LRRIQ1: variants seen among roughly 807,000 people sequenced by gnomAD.
LRRIQ1 encodes the protein leucine rich repeats and IQ motif containing 1.
A neutral mutation model predicts 211.9 loss-of-function variants in LRRIQ1; 210 were observed. The ratio of observed to expected loss-of-function variants is 0.99; its 90% CI spans 0.89 to 1.11. LRRIQ1 has a LOEUF of 1.11. LRRIQ1 is among the 50% of genes most tolerant of loss of function. LRRIQ1 has a pLI of 0.00. For synonymous variants in LRRIQ1, 699 were observed against 650.1 expected, an observed-to-expected ratio of 1.08 and a Z score of -1.14; for missense variants, 2,136 against 1,939.5, an observed-to-expected ratio of 1.10 and a Z score of -1.90.
chr12:85,194,409 C>A (rs1892774652), intron 24 of LRRIQ1, among the ~76,000 whole-genome samples: 1 of 144,814 alleles, frequency 6.9e-6, no homozygotes, highest in Non-Finnish European at 1.5e-5. Context: ...CCAAAATTGA[C>A]CACATACTTG....
intron 1 of LRRIQ1, among the ~76,000 whole-genome samples, chr12:85,257,169 A>ATATGTAT (rs1896137816): frequency 2.7e-3 from 1 of 376 alleles, no homozygotes; most frequent in Non-Finnish European, 8.9e-3. Flanking sequence ...TAATTATATA[A>ATATGTAT]TAATTATGTA....
chr12:85,176,474 C>T (rs1891705636), intron 24 of LRRIQ1, among the ~76,000 whole-genome samples: 2 of 150,898 alleles, frequency 1.3e-5, no homozygotes, highest in Admixed American at 1.3e-4. Flanking sequence ...TCATCATTCT[C>T]AGTAAACTAT....
At chr12:85,234,056 C>T (rs1895069698) in intron 26 of LRRIQ1, among the ~76,000 whole-genome samples, 2 of 150,728 alleles carry the variant, frequency 1.3e-5, no homozygotes, top group African/African-American at 2.5e-5. Flanking sequence ...CATGGCAAAA[C>T]CCCATCTCTA....
intron 24 of LRRIQ1, among the ~76,000 whole-genome samples, chr12:85,201,763 T>G (rs542616860): frequency 2.6e-5 from 4 of 152,216 alleles, no homozygotes; most frequent in Admixed American, 1.3e-4. Context: ...CGTTTGTATG[T>G]TTTTTTGTTT....
Position 85,113,118 on chromosome 12 carries a change from T to G in LRRIQ1, c.3377+6503T>G, listed in dbSNP as rs146797452. Among the ~76,000 whole-genome samples the G allele has an allele frequency of 4.1e-3, 622 of 152,294 alleles. 3 individuals are homozygous for G. Among genetic ancestry groups the G allele is most frequent in the African/African-American group, 0.014 (595 of 41,572 alleles). On this transcript the variant is annotated intron_variant, in intron 15 of 26. Coordinates refer to ENST00000393217, the MANE Select transcript of LRRIQ1 (RefSeq NM_001079910.2). ...TTTGTGGCACCTTGAGTACAAATGT[T>G]CAGACCAGTTTCCTTAACTTTTGTT...
chr12:85,098,285 A>T, intron 11 of LRRIQ1, 70 bp from the exon 12 acceptor site: 1 of 1,044,924 alleles, frequency 9.6e-7, no homozygotes. Context: ...TTTAGAAAAA[A>T]AATGGAAACT....
At chr12:85,163,061 G>C (rs1016462622) in intron 24 of LRRIQ1, among the ~76,000 whole-genome samples, 1 of 152,072 alleles carries the variant, frequency 6.6e-6, no homozygotes, top group South Asian at 2.1e-4. Flanking sequence ...TGCTGCTCTG[G>C]AATTATTCAC....
At chr12:85,091,698 G>A (rs1002650944) in intron 11 of LRRIQ1, among the ~76,000 whole-genome samples, 9 of 152,062 alleles carry the variant, frequency 5.9e-5, no homozygotes, top group Admixed American at 4.6e-4. Context: ...GTAAAGGTCC[G>A]GTTTTATTCT....
chr12:85,128,556 T>C (rs1592848989), intron 18 of LRRIQ1, among the ~76,000 whole-genome samples: 1 of 152,112 alleles, frequency 6.6e-6, no homozygotes, highest in Non-Finnish European at 1.5e-5. Flanking sequence ...GCTATGATCA[T>C]ACCACTGCAC....
At chr12:85,137,490 A>G (rs764495425) in intron 18 of LRRIQ1, among the ~76,000 whole-genome samples, 13 of 151,646 alleles carry the variant, frequency 8.6e-5, no homozygotes, top group Non-Finnish European at 1.9e-4. Flanking sequence ...TATTTTATAC[A>G]TAATCATTTG....
In LRRIQ1 at chr12:85,204,453, C is replaced by T. The variant is rs189614097; in HGVS notation, c.4823-25064C>T. On this transcript the variant is annotated intron_variant, in intron 24 of 26. Coordinates refer to ENST00000393217, the MANE Select transcript of LRRIQ1 (RefSeq NM_001079910.2). Reference sequence around the variant, plus strand: ...AGATCCACCAACAGCTTGCACAGTGCGCCTGGAAAAGCAGCAGACACTCAG... The same window carrying T: ...AGATCCACCAACAGCTTGCACAGTGTGCCTGGAAAAGCAGCAGACACTCAG... 1.5e-3 allele frequency among the ~76,000 whole-genome samples: 224 copies of T among 152,270 alleles called. 1 individual carries two copies. Among genetic ancestry groups the T allele is most frequent in the South Asian group, 6.6e-3 (32 of 4,816 alleles).
intron 24 of LRRIQ1, among the ~76,000 whole-genome samples, chr12:85,197,281 G>A (rs1892972615): frequency 6.6e-6 from 1 of 151,206 alleles, no homozygotes; most frequent in African/African-American, 2.4e-5. Flanking sequence ...GATTCCTCAG[G>A]GATCTAGAAC....
chr12:85,245,155 C>A, downstream of LRRIQ1: 2 of 660,658 alleles, frequency 3.0e-6, no homozygotes, highest in Admixed American at 3.9e-5. Flanking sequence ...TATCTCCTGC[C>A]CCCCACACCC....
At chr12:85,052,308 A>G in intron 7 of LRRIQ1, 57 bp downstream of exon 7, 1 of 885,580 alleles carries the variant, frequency 1.1e-6, no homozygotes, top group Non-Finnish European at 1.8e-6. Context: ...GAAATACATT[A>G]CTATGCTTGA....
At chr12:85,098,805 A>T in intron 12 of LRRIQ1, 62 bp from the exon 13 acceptor site, 1 of 1,252,324 alleles carries the variant, frequency 8.0e-7, no homozygotes, top group Non-Finnish European at 1.1e-6. Flanking sequence ...TGTATTTTTT[A>T]ATTGGGCTAA....
At chr12:85,118,563 T>A (rs766566129) in intron 15 of LRRIQ1, among the ~76,000 whole-genome samples, 1 of 151,822 alleles carries the variant, frequency 6.6e-6, no homozygotes, top group East Asian at 1.9e-4. Flanking sequence ...AATTATTTTT[T>A]AATTTACTAT....
At position 85,098,426 on chromosome 12, in the gene LRRIQ1, C is replaced by T. The variant is rs1886082719; in HGVS notation, c.2959C>T (p.Leu987Phe). 6.2e-7 allele frequency: 1 copy of T among 1,610,214 alleles called. No homozygotes were observed. Among genetic ancestry groups the T allele is most frequent in the Non-Finnish European group, 8.5e-7 (1 of 1,177,734 alleles). ...DHNQLINTKG[L>F]CDTPTIVYLD... ...CAATCAGTTAATTAATACAAAAGGT[C>T]TTTGTGATACACCTACCATTGTATA... Residue 987 changes from leucine (L) to phenylalanine (F), a missense_variant, in exon 12 of 27, where the codon CTT becomes TTT. Coordinates refer to ENST00000393217, the MANE Select transcript of LRRIQ1 (RefSeq NM_001079910.2).
intron 8 of LRRIQ1, 66 bp downstream of exon 8, chr12:85,057,250 C>A: frequency 1.8e-6 from 2 of 1,111,466 alleles, no homozygotes; most frequent in South Asian, 2.3e-5. Flanking sequence ...TATAACTTTT[C>A]AGATCTTAGA....
At chr12:85,220,295 A>G (rs767474171) in intron 24 of LRRIQ1, among the ~76,000 whole-genome samples, 19 of 152,250 alleles carry the variant, frequency 1.2e-4, no homozygotes, top group Admixed American at 5.9e-4. Context: ...GAAAGTTGCC[A>G]TAAGTATTAA....
Sources: allele counts gnomAD v4.1 joint callset (sites outside exome capture counted in the v4.1 genomes callset), GRCh38; gene constraint gnomAD v4.1.1; transcripts MANE v1.5; gene names NCBI Gene and HGNC (gene_info 2026-07-23, HGNC 2026-07-21).